The following PRICKLE2 variants were observed in gnomAD, a reference collection of about 807,000 sequenced individuals.
PRICKLE2 encodes prickle-like protein 2.
Under a neutral mutation model 81.4 loss-of-function variants are expected in PRICKLE2, and 21 were observed. The ratio of observed to expected loss-of-function variants is 0.26; its 90% CI spans 0.18 to 0.37. PRICKLE2 has a LOEUF of 0.37. Among genes scored for constraint, PRICKLE2 ranks in the 10% least tolerant of loss-of-function variants. The probability of loss-of-function intolerance (pLI) is 1.00; values close to 1 mark genes in which losing one functional copy is unlikely to be tolerated. For synonymous variants in PRICKLE2, 456 were observed against 421.5 expected (o/e 1.08, Z -1.00); for missense variants, 940 against 1,109.0 (o/e 0.85, Z 2.16).
intron 1 of PRICKLE2, among the ~76,000 whole-genome samples, chr3:64,209,223 C>T (rs116787469): frequency 0.024 from 3,706 of 151,986 alleles, 156 homozygotes; most frequent in African/African-American, 0.084. Context: ...TCTATCCATC[C>T]ATTCACCCAT....
intron 3 of PRICKLE2, among the ~76,000 whole-genome samples, chr3:64,160,374 G>A (rs1017875996): frequency 2.0e-5 from 3 of 152,316 alleles, no homozygotes; most frequent in African/African-American, 7.2e-5. Flanking sequence ...TGCTCACCAT[G>A]TTAAGATCAA....
At chr3:64,252,256 C>G (rs1227535316) in intron 2 of PRICKLE2, among the ~76,000 whole-genome samples, 1 of 152,124 alleles carries the variant, frequency 6.6e-6, no homozygotes, top group Non-Finnish European at 1.5e-5. Context: ...GGTAAAAAAG[C>G]TTATTCAAAT....
At position 64,165,442 on chromosome 3, in the gene PRICKLE2, G is replaced by T. The variant is rs553404629; in HGVS notation, c.145-2313C>A. ...AATGAGAGTGTAGGCACAAGCATGT[G>T]GCTCTTAATAAAAATAAATAACACG... On this transcript the variant is annotated intron_variant, in intron 2 of 7. Coordinates refer to ENST00000638394, the MANE Select transcript of PRICKLE2 (RefSeq NM_198859.4). 1.1e-4 allele frequency among the ~76,000 whole-genome samples: 16 copies of T among 152,206 alleles called. No homozygotes were observed. The East Asian group carries it at 2.7e-3, about 26-fold the overall frequency.
At chr3:64,152,410 C>A (rs186064275) in intron 6 of PRICKLE2, among the ~76,000 whole-genome samples, 2 of 152,258 alleles carry the variant, frequency 1.3e-5, no homozygotes, top group Admixed American at 6.5e-5. Flanking sequence ...TCTGGAACAG[C>A]GTTAAAGGGT....
rs2076522561 is a variant in PRICKLE2 at position 64,092,547 on chromosome 3, G to A, written c.*6504C>T. On this transcript the variant is annotated 3_prime_UTR_variant, in exon 8 of 8. Transcript: ENST00000638394. The stretch of plus-strand genomic sequence containing the variant: ...GCATCCAGCAAGTCCCTAATGTTGT[G>A]GATCAGACACGGGGAAATTGAATTT... The A allele has an allele frequency of 1.3e-5, 2 of 152,228 alleles. No individual in the cohort carries two copies. The highest frequency in any genetic ancestry group is 4.1e-4 in the South Asian group (2 of 4,836). The allele number at this position is 152,228 out of a possible 1,614,324, so 9.4% of individuals were successfully genotyped here.
At chr3:64,258,517 A>G (rs1483532358) in intron 2 of PRICKLE2, among the ~76,000 whole-genome samples, 2 of 152,122 alleles carry the variant, frequency 1.3e-5, no homozygotes, top group Admixed American at 1.3e-4. Context: ...AACTGATACA[A>G]TCTATGATGT....
chr3:64,232,090 T>C (rs765216520), intron 2 of PRICKLE2, among the ~76,000 whole-genome samples: 9 of 152,236 alleles, frequency 5.9e-5, no homozygotes, highest in Non-Finnish European at 7.3e-5. Flanking sequence ...GAAGAGTACA[T>C]AGAGTGTTGC....
intron 2 of PRICKLE2, among the ~76,000 whole-genome samples, chr3:64,181,172 T>C (rs1014222307): frequency 6.6e-6 from 1 of 152,210 alleles, no homozygotes; most frequent in Non-Finnish European, 1.5e-5. Context: ...TTTGTTATAT[T>C]TTACAGATTA....
chr3:64,133,449 C>T (rs2077228217), intron 7 of PRICKLE2, among the ~76,000 whole-genome samples: 1 of 152,130 alleles, frequency 6.6e-6, no homozygotes, highest in South Asian at 2.1e-4. Flanking sequence ...GGAAAACTTC[C>T]ATTACTGTAC....
In PRICKLE2 at chr3:64,201,819, C is replaced by T. The variant is rs78970200; in HGVS notation, c.-40-2852G>A. Among the ~76,000 whole-genome samples, 39 of 152,152 alleles carry T rather than the reference C, an allele frequency of 2.6e-4. No homozygotes were observed. The East Asian group carries it at 4.6e-3, about 18-fold the overall frequency. On this transcript the variant is annotated intron_variant, in intron 1 of 7. Coordinates refer to ENST00000638394, the MANE Select transcript of PRICKLE2 (RefSeq NM_198859.4). ...TTCTAAGAAGCCATTGCATAACTCACGGTCATAAAGATGTATTCTTACATT... is the reference window on the plus strand; with the variant it reads ...TTCTAAGAAGCCATTGCATAACTCATGGTCATAAAGATGTATTCTTACATT...
chr3:64,243,744 G>A (rs905283683), intron 2 of PRICKLE2, among the ~76,000 whole-genome samples: 9 of 151,816 alleles, frequency 5.9e-5, no homozygotes, highest in Admixed American at 2.6e-4. Flanking sequence ...TAAGAAAAAC[G>A]ATGTTAGAAG....
chr3:64,263,266 C>T (rs1463054816), intron 2 of PRICKLE2, among the ~76,000 whole-genome samples: 2 of 152,180 alleles, frequency 1.3e-5, no homozygotes, highest in Non-Finnish European at 2.9e-5. Flanking sequence ...TTGGACATTA[C>T]ATCACTTGTA....
chr3:64,266,041 A>T (rs955347363), intron 2 of PRICKLE2, among the ~76,000 whole-genome samples: 34 of 152,178 alleles, frequency 2.2e-4, no homozygotes, highest in African/African-American at 8.2e-4. Context: ...CCTGTGTGAG[A>T]TTGAGGGTAT....
chr3:64,184,034 T>C (rs780409187), intron 2 of PRICKLE2, among the ~76,000 whole-genome samples: 7 of 152,208 alleles, frequency 4.6e-5, no homozygotes, highest in Admixed American at 2.0e-4. Context: ...GGCTTAAGAA[T>C]TTCTGTTCTG....
intron 2 of PRICKLE2, among the ~76,000 whole-genome samples, chr3:64,171,142 A>T (rs774236739): frequency 6.6e-6 from 1 of 152,084 alleles, no homozygotes; most frequent in East Asian, 1.9e-4. Flanking sequence ...ATTCCCCCAG[A>T]TATTTACATG....
intron 2 of PRICKLE2, among the ~76,000 whole-genome samples, chr3:64,261,415 G>GCAAT (rs1172650745): frequency 3.9e-5 from 6 of 152,298 alleles, no homozygotes; most frequent in African/African-American, 1.4e-4. Flanking sequence ...TTTAAATGAT[G>GCAAT]CAATCCTTGC....
intron 2 of PRICKLE2, among the ~76,000 whole-genome samples, chr3:64,251,063 T>C (rs931360809): frequency 3.9e-5 from 6 of 152,232 alleles, no homozygotes; most frequent in Non-Finnish European, 8.8e-5. Flanking sequence ...ACTTTGTCTC[T>C]ATTGTGCACA....
At chr3:64,182,124 A>C (rs1488820825) in intron 2 of PRICKLE2, among the ~76,000 whole-genome samples, 3 of 152,112 alleles carry the variant, frequency 2.0e-5, no homozygotes, top group African/African-American at 7.2e-5. Context: ...CTTATTCCCC[A>C]ATGCAACAGT....
chr3:64,120,554 C>A lies in PRICKLE2; in HGVS notation c.1661-20629G>T, dbSNP rs73122854. Among the ~76,000 whole-genome samples the A allele has an allele frequency of 3.3e-5, 5 of 152,182 alleles. No individual in the cohort carries two copies. In the East Asian group the frequency reaches 9.7e-4, roughly 30 times the overall value. On this transcript the variant is annotated intron_variant, in intron 7 of 7. Coordinates refer to ENST00000638394, the MANE Select transcript of PRICKLE2 (RefSeq NM_198859.4). The stretch of plus-strand genomic sequence containing the variant: ...TCTCAAGCTTCAGAAGCATGCAAGT[C>A]GCCCAGGGATCTTCTTAAAATGAAA...
Sources: allele counts gnomAD v4.1 joint callset (sites outside exome capture counted in the v4.1 genomes callset), GRCh38; gene constraint gnomAD v4.1.1; transcripts MANE v1.5; gene names NCBI Gene and HGNC (gene_info 2026-07-23, HGNC 2026-07-21).